The following CADPS2 variants were observed in gnomAD, a reference collection of about 807,000 sequenced individuals.
CADPS2 encodes calcium dependent secretion activator 2, also known as calcium-dependent secretion activator 2.
In CADPS2, 93 loss-of-function variants were observed where a neutral mutation model predicts 172.5. The observed-to-expected ratio is 0.54, with a 90% confidence interval of 0.46 to 0.64. CADPS2 has a LOEUF of 0.64. Ranked by LOEUF, CADPS2 falls within the 30% of genes least tolerant of loss-of-function variation. The pLI, the probability that CADPS2 is intolerant of heterozygous loss-of-function variation, is 0.00. For synonymous variants in CADPS2, 546 were observed against 555.2 expected (o/e 0.98, Z 0.23); for missense variants, 1,420 against 1,565.9 (o/e 0.91, Z 1.57).
rs372432926 is a variant in CADPS2, at chr7:122,503,909, C to G, written c.1542+9340G>C. Among the ~76,000 whole-genome samples, 7 of 152,154 alleles carry G rather than the reference C, an allele frequency of 4.6e-5. No individual in the cohort carries two copies. The East Asian group carries it at 1.4e-3, about 29-fold the overall frequency. ...ATAATTTGGGTGATGAATTGTTTTG[C>G]AGGAAAACAAAGCAGAGGAAAGAGA... On this transcript the variant is annotated intron_variant, in intron 9 of 29. Transcript: ENST00000449022.
At chr7:122,454,928 T>C (rs1486325241) in intron 14 of CADPS2, among the ~76,000 whole-genome samples, 7 of 152,126 alleles carry the variant, frequency 4.6e-5, no homozygotes, top group African/African-American at 1.7e-4. Context: ...CTCTTGGTCT[T>C]TCTCCTCCAG....
At chr7:122,874,129 A>G (rs1263373283) in intron 1 of CADPS2, among the ~76,000 whole-genome samples, 1 of 152,048 alleles carries the variant, frequency 6.6e-6, no homozygotes, top group Non-Finnish European at 1.5e-5. Context: ...CTCTGATGAT[A>G]GTTTCTTTTG....
At chr7:122,436,915 A>G (rs796093190) in intron 17 of CADPS2, among the ~76,000 whole-genome samples, 58 of 152,248 alleles carry the variant, frequency 3.8e-4, no homozygotes, top group African/African-American at 1.3e-3. Flanking sequence ...ATAGTCAAAA[A>G]TATTAACTCA....
At chr7:122,673,743 T>C (rs1171733348) in intron 2 of CADPS2, among the ~76,000 whole-genome samples, 2 of 152,246 alleles carry the variant, frequency 1.3e-5, no homozygotes, top group Non-Finnish European at 2.9e-5. Context: ...GGGGCCCAAC[T>C]GGCTTCGCCT....
At chr7:122,517,997 T>C (rs1316165365) in intron 8 of CADPS2, among the ~76,000 whole-genome samples, 3 of 152,020 alleles carry the variant, frequency 2.0e-5, no homozygotes, top group Non-Finnish European at 4.4e-5. Context: ...TCAGTGTTGT[T>C]ATGATTTTTT....
At chr7:122,517,709 G>A (rs1381491256) in intron 8 of CADPS2, among the ~76,000 whole-genome samples, 1 of 151,930 alleles carries the variant, frequency 6.6e-6, no homozygotes, top group Non-Finnish European at 1.5e-5. Context: ...AAGCTTTCAT[G>A]CTTAAATGGG....
chr7:122,321,469 T>C (rs983333169), intron 29 of CADPS2, among the ~76,000 whole-genome samples: 3 of 152,030 alleles, frequency 2.0e-5, no homozygotes, highest in African/African-American at 4.8e-5. Context: ...TGCCTGGCCA[T>C]GTTTACTTTT....
intron 15 of CADPS2, among the ~76,000 whole-genome samples, chr7:122,447,389 T>C (rs1170439054): frequency 6.6e-6 from 1 of 151,924 alleles, no homozygotes; most frequent in African/African-American, 2.4e-5. Context: ...TGTCAAAATA[T>C]GTTTTATCAA....
intron 27 of CADPS2, among the ~76,000 whole-genome samples, chr7:122,349,185 C>CA (rs2038157197): frequency 6.6e-6 from 1 of 151,806 alleles, no homozygotes; most frequent in African/African-American, 2.4e-5. Context: ...CCAATTATAT[C>CA]AAAAAAGTGG....
chr7:122,697,568 T>C (rs1322798204), intron 2 of CADPS2: 5 of 483,722 alleles, frequency 1.0e-5, no homozygotes, highest in Non-Finnish European at 1.8e-5. Context: ...AGGAGTAACA[T>C]ACATTGACAA....
At chr7:122,366,520 G>T (rs1054307244) in intron 25 of CADPS2, among the ~76,000 whole-genome samples, 11 of 150,082 alleles carry the variant, frequency 7.3e-5, no homozygotes, top group African/African-American at 1.2e-4. Context: ...CAGGAGAATC[G>T]CTTGAACCTG....
chr7:122,865,854 G>T (rs1818175851), intron 1 of CADPS2, among the ~76,000 whole-genome samples: 1 of 152,186 alleles, frequency 6.6e-6, no homozygotes, highest in Non-Finnish European at 1.5e-5. Flanking sequence ...CATATTCCAA[G>T]TGGAAGAAAG....
intron 1 of CADPS2, among the ~76,000 whole-genome samples, chr7:122,816,311 G>A (rs1439815279): frequency 1.3e-5 from 2 of 151,878 alleles, no homozygotes; most frequent in East Asian, 3.9e-4. Flanking sequence ...TCTGTGTCTG[G>A]CTTATTTCAC....
intron 8 of CADPS2, among the ~76,000 whole-genome samples, chr7:122,530,885 T>C (rs149601265): frequency 1.4e-4 from 22 of 152,288 alleles, no homozygotes; most frequent in Admixed American, 3.9e-4. Context: ...CCATTCCTTG[T>C]ATTCTGGGGA....
chr7:122,848,008 T>TG (rs1812492608), intron 1 of CADPS2, among the ~76,000 whole-genome samples: 1 of 152,234 alleles, frequency 6.6e-6, no homozygotes, highest in South Asian at 2.1e-4. Context: ...CATGGTGATT[T>TG]GCCAGGACAG....
intron 9 of CADPS2, among the ~76,000 whole-genome samples, chr7:122,492,703 C>CT (rs1329670065): frequency 1.3e-5 from 2 of 151,608 alleles, no homozygotes; most frequent in Admixed American, 6.6e-5. Context: ...TATTTTTTTT[C>CT]TTTTTTTCTT....
chr7:122,843,058 A>G (rs1811009157), intron 1 of CADPS2, among the ~76,000 whole-genome samples: 1 of 152,232 alleles, frequency 6.6e-6, no homozygotes. Context: ...TTAATCTCAT[A>G]TAATTAAAGT....
chr7:122,505,674 T>C (rs1194686752), intron 9 of CADPS2, among the ~76,000 whole-genome samples: 2 of 152,140 alleles, frequency 1.3e-5, no homozygotes, highest in Admixed American at 6.5e-5. Flanking sequence ...CACTGACAAT[T>C]AGGAAATGTG....
At chr7:122,548,897 A>C (rs1003675777) in intron 8 of CADPS2, among the ~76,000 whole-genome samples, 3 of 152,176 alleles carry the variant, frequency 2.0e-5, no homozygotes. Flanking sequence ...ATAAACACAC[A>C]AAGAGCAACG....
Sources: allele counts gnomAD v4.1 joint callset (sites outside exome capture counted in the v4.1 genomes callset), GRCh38; gene constraint gnomAD v4.1.1; transcripts MANE v1.5; gene names NCBI Gene and HGNC (gene_info 2026-07-23, HGNC 2026-07-21).